The following ITSN1 variants were observed in gnomAD, a reference collection of about 807,000 sequenced individuals.
ITSN1 encodes intersectin 1, also known as intersectin-1.
In ITSN1, 58 loss-of-function variants were observed where a neutral mutation model predicts 239.8. The ratio of observed to expected loss-of-function variants is 0.24; its 90% CI spans 0.20 to 0.30. The LOEUF is 0.30. ITSN1 is among the 10% of genes least tolerant of loss of function. The pLI is 1.00. For missense variants in ITSN1, 1,558 were observed against 2,103.3 expected (o/e 0.74, Z 5.07); for synonymous variants, 780 against 770.8 (o/e 1.01, Z -0.20).
intron 34 of ITSN1, among the ~76,000 whole-genome samples, chr21:33,879,688 C>T (rs1984572341): frequency 6.6e-6 from 1 of 151,666 alleles, no homozygotes. Flanking sequence ...TGTCATCCTT[C>T]TTTTTTTTTG....
intron 29 of ITSN1, among the ~76,000 whole-genome samples, chr21:33,845,893 G>A (rs532007944): frequency 1.3e-5 from 2 of 152,270 alleles, no homozygotes; most frequent in East Asian, 3.9e-4. Context: ...CCTCCTCAGA[G>A]AGAGTCAGAA....
chr21:33,848,319 T>C (rs1700702224), intron 29 of ITSN1, among the ~76,000 whole-genome samples: 1 of 152,182 alleles, frequency 6.6e-6, no homozygotes, highest in Non-Finnish European at 1.5e-5. Context: ...GCTGGAGATG[T>C]GCATGCACAG....
intron 39 of ITSN1, among the ~76,000 whole-genome samples, chr21:33,886,744 G>A (rs1241612661): frequency 6.6e-6 from 1 of 152,162 alleles, no homozygotes; most frequent in Non-Finnish European, 1.5e-5. Context: ...AGAGGGGTGT[G>A]TTTAAGAGCC....
intron 1 of ITSN1, among the ~76,000 whole-genome samples, chr21:33,690,070 G>C (rs1279877891): frequency 6.6e-6 from 1 of 151,174 alleles, no homozygotes; most frequent in African/African-American, 2.4e-5. Flanking sequence ...AATCACTTGA[G>C]GTCAGGAGTT....
rs563113811 is a variant in ITSN1, at chr21:33,646,160, A to G, written c.-33+3447A>G. ...ATTTTTTTTAGTAGTCACTGATTTT[A>G]TAAATTAGGAGCCACAAGCACTATA... is the stretch of plus-strand genomic sequence containing the variant. On this transcript the variant is annotated intron_variant, in intron 1 of 39. Transcript: ENST00000381318. Among the ~76,000 whole-genome samples the G allele has an allele frequency of 1.5e-3, 234 of 152,340 alleles. 1 individual carries two copies. Among genetic ancestry groups the G allele is most frequent in the Non-Finnish European group, 2.9e-3 (198 of 68,036 alleles).
chr21:33,677,432 C>G (rs1192854940), intron 1 of ITSN1, among the ~76,000 whole-genome samples: 2 of 151,874 alleles, frequency 1.3e-5, no homozygotes, highest in Non-Finnish European at 2.9e-5. Flanking sequence ...CCTCGCCTCC[C>G]TGGTTCAAGG....
intron 18 of ITSN1, 141 bp from the exon 19 acceptor site, chr21:33,799,667 C>T: frequency 1.1e-6 from 1 of 910,314 alleles, no homozygotes; most frequent in Non-Finnish European, 1.6e-6. Flanking sequence ...GTATGTGTTT[C>T]AGAAATTCCT....
At chr21:33,683,138 C>T (rs1601616046) in intron 1 of ITSN1, among the ~76,000 whole-genome samples, 1 of 151,920 alleles carries the variant, frequency 6.6e-6, no homozygotes, top group South Asian at 2.1e-4. Context: ...AATAAGGTGC[C>T]TTGGCGATTC....
Position 33,897,310 on chromosome 21 carries a change from C to T in ITSN1, c.*9010C>T, listed in dbSNP as rs1473842055. On this transcript the variant is annotated 3_prime_UTR_variant, in exon 40 of 40. Transcript: ENST00000381318. ...TGACCCTTCTTATCCCTTGGTGGCC[C>T]TGCATAGATAGGGGAGTTGGCCCCT... 1 of 152,318 alleles carries T rather than the reference C, an allele frequency of 6.6e-6. No individual in the cohort carries two copies. Among genetic ancestry groups the T allele is most frequent in the South Asian group, 2.1e-4 (1 of 4,832 alleles). 9.4% of individuals were successfully genotyped at this position (152,318 alleles called of 1,614,324 possible).
intron 1 of ITSN1, among the ~76,000 whole-genome samples, chr21:33,648,765 C>T (rs1227646683): frequency 1.3e-5 from 2 of 151,926 alleles, no homozygotes; most frequent in African/African-American, 4.8e-5. Context: ...ACTGTTTGTA[C>T]CCAGAAGTTG....
Position 33,803,610 on chromosome 21 carries a change from C to T in ITSN1, c.2319+1166C>T, listed in dbSNP as rs150880284. 1.1e-3 allele frequency among the ~76,000 whole-genome samples: 164 copies of T among 152,252 alleles called. 1 individual carries two copies. Among genetic ancestry groups the T allele is most frequent in the African/African-American group, 3.9e-3 (160 of 41,558 alleles). On this transcript the variant is annotated intron_variant, in intron 20 of 39. Coordinates refer to ENST00000381318, the MANE Select transcript of ITSN1 (RefSeq NM_003024.3). ...TATTCATGTGTTTATGTATAGTTAACAGTTTTGAAATATATATATCAAACT... is the reference window on the plus strand; with the variant it reads ...TATTCATGTGTTTATGTATAGTTAATAGTTTTGAAATATATATATCAAACT...
At position 33,718,855 on chromosome 21, in the gene ITSN1, T is replaced by G; in HGVS notation, c.27T>G (p.Gly9=). 1 of 1,612,828 alleles carries G rather than the reference T, an allele frequency of 6.2e-7. No homozygotes were observed. Among genetic ancestry groups the G allele is most frequent in the Non-Finnish European group, 8.5e-7 (1 of 1,179,322 alleles). The change falls in exon 2 of 40, where the codon GGT becomes GGG. Residue 9 remains glycine (G), a splice_region_variant and synonymous_variant. Transcript: ENST00000381318. Reference sequence around the variant, plus strand: ...TGGCTCAGTTTCCAACACCTTTTGGTGGTAAGTTTTCAGAAATTTCTCTTT... The same window carrying G: ...TGGCTCAGTTTCCAACACCTTTTGGGGGTAAGTTTTCAGAAATTTCTCTTT... MAQFPTPF[G]GSLDIWAITV...
At chr21:33,838,620 A>G (rs2074714339) in intron 29 of ITSN1, 1 of 212,536 alleles carries the variant, frequency 4.7e-6, no homozygotes, top group African/African-American at 2.4e-5. Flanking sequence ...GCTCTTTGAA[A>G]TACAGACATT....
At chr21:33,842,529 T>TGTGTGTGTGA (rs1491256105) in intron 29 of ITSN1, among the ~76,000 whole-genome samples, 1 of 146,402 alleles carries the variant, frequency 6.8e-6, no homozygotes, top group African/African-American at 2.6e-5. Context: ...TGTGTGTGTG[T>TGTGTGTGTGA]GACAGGCAGT....
chr21:33,858,862 T>C (rs1287317203), intron 31 of ITSN1, 70 bp downstream of exon 31: 7 of 832,838 alleles, frequency 8.4e-6, no homozygotes, highest in Non-Finnish European at 1.2e-5. Context: ...CCTCTGTGGG[T>C]CTGTGTGTCC....
At chr21:33,864,421 G>A (rs1273264900) in intron 31 of ITSN1, among the ~76,000 whole-genome samples, 4 of 152,074 alleles carry the variant, frequency 2.6e-5, no homozygotes, top group Non-Finnish European at 4.4e-5. Context: ...GTTGGGAGAG[G>A]GGAAGCACAG....
At chr21:33,844,979 G>A (rs1329143931) in intron 29 of ITSN1, among the ~76,000 whole-genome samples, 1 of 151,984 alleles carries the variant, frequency 6.6e-6, no homozygotes, top group Non-Finnish European at 1.5e-5. Context: ...TGGCCCATGA[G>A]CCCAGGAGGG....
At chr21:33,814,136 A>G (rs1024079203) in intron 22 of ITSN1, 64 bp downstream of exon 22, 2 of 1,511,958 alleles carry the variant, frequency 1.3e-6, no homozygotes, top group African/African-American at 1.4e-5. Context: ...ACTTCAGCAA[A>G]TGCTTTTTGG....
intron 28 of ITSN1, 68 bp from the exon 29 acceptor site, chr21:33,836,373 G>A (rs1044529072): frequency 3.4e-6 from 4 of 1,167,868 alleles, no homozygotes; most frequent in African/African-American, 1.6e-5. Context: ...ATGTTGAATG[G>A]CTGCGCGGTA....
Sources: allele counts gnomAD v4.1 joint callset (sites outside exome capture counted in the v4.1 genomes callset), GRCh38; gene constraint gnomAD v4.1.1; transcripts MANE v1.5; gene names NCBI Gene and HGNC (gene_info 2026-07-23, HGNC 2026-07-21).